RBMS3: variants seen among roughly 807,000 people sequenced by gnomAD.
RBMS3 encodes RNA-binding motif, single-stranded-interacting protein 3.
RBMS3 carries 27 observed loss-of-function variants against 66.8 expected under a neutral mutation model. The ratio of observed to expected loss-of-function variants is 0.40; its 90% CI spans 0.30 to 0.56. The LOEUF (loss-of-function observed/expected upper bound fraction) is 0.56, where lower values mean the gene tolerates loss of function less well. RBMS3 is among the 20% of genes least tolerant of loss of function. The pLI is 0.40. For missense variants in RBMS3, 513 were observed against 549.5 expected (o/e 0.93, Z 0.66); for synonymous variants, 188 against 183.0 (o/e 1.03, Z -0.22).
chr3:29,544,979 C>A (rs1187452419), intron 3 of RBMS3, among the ~76,000 whole-genome samples: 1 of 152,086 alleles, frequency 6.6e-6, no homozygotes, highest in African/African-American at 2.4e-5. Context: ...TTTGACACAG[C>A]AATCTCACTT....
intron 12 of RBMS3, among the ~76,000 whole-genome samples, chr3:29,966,214 T>A (rs1389049444): frequency 6.6e-6 from 1 of 152,190 alleles, no homozygotes; most frequent in East Asian, 1.9e-4. Context: ...CTTGGTTCCA[T>A]ATGAATTTTA....
chr3:29,491,962 C>T (rs1411293525), intron 3 of RBMS3, among the ~76,000 whole-genome samples: 1 of 151,462 alleles, frequency 6.6e-6, no homozygotes, highest in Non-Finnish European at 1.5e-5. Context: ...CACTGCACTC[C>T]AGCCTGGGTG....
At chr3:29,905,616 A>G (rs1366113052) in intron 10 of RBMS3, among the ~76,000 whole-genome samples, 1 of 152,010 alleles carries the variant, frequency 6.6e-6, no homozygotes, top group Non-Finnish European at 1.5e-5. Context: ...TCCTTTGAGC[A>G]TTGCTCTATT....
At chr3:29,945,218 A>G (rs775917975) in intron 12 of RBMS3, among the ~76,000 whole-genome samples, 5 of 151,734 alleles carry the variant, frequency 3.3e-5, no homozygotes, top group Non-Finnish European at 5.9e-5. Context: ...CAAAGACCCC[A>G]TGGAGCAGTT....
intron 1 of RBMS3, among the ~76,000 whole-genome samples, chr3:29,421,851 T>G (rs2040749761): frequency 6.6e-6 from 1 of 152,232 alleles, no homozygotes; most frequent in Non-Finnish European, 1.5e-5. Context: ...CTTTTTACTT[T>G]GTATCATGAG....
At chr3:29,529,488 A>G (rs1466319463) in intron 3 of RBMS3, among the ~76,000 whole-genome samples, 2 of 152,188 alleles carry the variant, frequency 1.3e-5, no homozygotes, top group African/African-American at 4.8e-5. Context: ...TGTGAGAAGA[A>G]TTTAGTCTTT....
chr3:29,591,657 A>T, intron 4 of RBMS3, among the ~76,000 whole-genome samples: 1 of 152,204 alleles, frequency 6.6e-6, no homozygotes, highest in Non-Finnish European at 1.5e-5. Flanking sequence ...ATATTTAGAA[A>T]CACTAGAATG....
At chr3:29,766,959 T>G (rs2055955024) in intron 6 of RBMS3, 1 of 151,994 alleles carries the variant, frequency 6.6e-6, no homozygotes. Context: ...AAATGTTGCA[T>G]GTCCTACATA....
intron 12 of RBMS3, among the ~76,000 whole-genome samples, chr3:29,954,920 G>A (rs1174957227): frequency 6.6e-6 from 1 of 152,018 alleles, no homozygotes; most frequent in Non-Finnish European, 1.5e-5. Flanking sequence ...ACAATTAGGA[G>A]TTACCTTAGT....
In RBMS3 at chr3:30,005,375, G is replaced by GT. The variant is rs1323046387; in HGVS notation, c.*1514dup. 2 of 151,836 alleles carry GT rather than the reference G, an allele frequency of 1.3e-5. No homozygotes were observed. Among genetic ancestry groups the GT allele is most frequent in the East Asian group, 3.9e-4 (2 of 5,190 alleles). 9.4% of individuals were successfully genotyped at this position (151,836 alleles called of 1,614,324 possible). On this transcript the variant is annotated 3_prime_UTR_variant, in exon 15 of 15. Transcript: ENST00000383767. ...GAGCTTTTCTGGTTTCTCACTAGCTGTCTTGAATAGTGAAACCTGTATTGA... is the reference window on the plus strand; with the variant it reads ...GAGCTTTTCTGGTTTCTCACTAGCTGTTCTTGAATAGTGAAACCTGTATTGA...
chr3:29,701,921 G>A (rs1046896509), intron 4 of RBMS3, among the ~76,000 whole-genome samples: 3 of 152,216 alleles, frequency 2.0e-5, no homozygotes, highest in African/African-American at 7.2e-5. Context: ...GCTGAGGAGT[G>A]CAGGCCCTCG....
intron 4 of RBMS3, among the ~76,000 whole-genome samples, chr3:29,645,006 T>C (rs2049863122): frequency 6.6e-6 from 1 of 152,166 alleles, no homozygotes; most frequent in Non-Finnish European, 1.5e-5. Context: ...TCTCACAGAA[T>C]CAAAAAGAGA....
At chr3:29,610,128 T>C (rs2048445023) in intron 4 of RBMS3, among the ~76,000 whole-genome samples, 1 of 152,068 alleles carries the variant, frequency 6.6e-6, no homozygotes, top group Admixed American at 6.6e-5. Flanking sequence ...TATTTTTTAT[T>C]TGAGGACAAA....
chr3:29,592,399 A>G (rs2149102126), intron 4 of RBMS3, among the ~76,000 whole-genome samples: 1 of 152,340 alleles, frequency 6.6e-6, no homozygotes, highest in Admixed American at 6.5e-5. Context: ...CAACAGACAC[A>G]TGAAAAAATG....
intron 4 of RBMS3, among the ~76,000 whole-genome samples, chr3:29,644,799 T>A (rs988066450): frequency 2.0e-5 from 3 of 152,182 alleles, no homozygotes; most frequent in Admixed American, 6.6e-5. Context: ...TTATCGATGG[T>A]TCCATGAACC....
chr3:29,363,528 A>G lies in RBMS3; in HGVS notation c.76-71215A>G, dbSNP rs116113340. Among the ~76,000 whole-genome samples, 772 of 152,280 alleles carry G rather than the reference A, an allele frequency of 5.1e-3. 8 individuals are homozygous for G. The highest frequency in any genetic ancestry group is 0.017 in the African/African-American group (702 of 41,572). ...CTATTTGCCGGGCGTGGTGGCTCAC[A>G]TTGTAATCCCAGTACTTGGGAAGGC... On this transcript the variant is annotated intron_variant, in intron 1 of 14. Transcript: ENST00000383767.
At chr3:29,825,569 C>T (rs186922174) in intron 6 of RBMS3, among the ~76,000 whole-genome samples, 74 of 152,226 alleles carry the variant, frequency 4.9e-4, no homozygotes, top group South Asian at 8.3e-4. Flanking sequence ...TTCCCCTGCA[C>T]GGGCTCTCTT....
intron 3 of RBMS3, among the ~76,000 whole-genome samples, chr3:29,568,214 C>T (rs960716180): frequency 6.6e-6 from 1 of 152,072 alleles, no homozygotes; most frequent in Admixed American, 6.6e-5. Context: ...AGTAACTAAA[C>T]AGAATTAAAT....
At chr3:29,657,435 AT>A (rs1237074825) in intron 4 of RBMS3, among the ~76,000 whole-genome samples, 14 of 152,130 alleles carry the variant, frequency 9.2e-5, no homozygotes, top group African/African-American at 3.4e-4. Flanking sequence ...TGAAAGGGAG[AT>A]TTCTTCTCCA....
Sources: allele counts gnomAD v4.1 joint callset (sites outside exome capture counted in the v4.1 genomes callset), GRCh38; gene constraint gnomAD v4.1.1; transcripts MANE v1.5; gene names NCBI Gene and HGNC (gene_info 2026-07-23, HGNC 2026-07-21).